Variants in GDPD3 observed in about 807,000 individuals in gnomAD.
The protein encoded by GDPD3 is glycerophosphodiester phosphodiesterase domain containing 3.
In GDPD3, 40 loss-of-function variants were observed where a neutral mutation model predicts 43.7. The observed-to-expected ratio is 0.91, with a 90% CI of 0.71 to 1.19. The LOEUF (loss-of-function observed/expected upper bound fraction) is 1.19. Among genes scored for constraint, GDPD3 ranks in the 50% most tolerant of loss-of-function variants. The pLI is 0.00. For synonymous variants in GDPD3, 145 were observed against 162.9 expected (o/e 0.89, Z 0.84); for missense variants, 363 against 415.8 (o/e 0.87, Z 1.11).
intron 7 of GDPD3, 178 bp from the exon 8 acceptor site, chr16:30,108,610 T>A (rs1402230688): frequency 3.3e-6 from 2 of 604,316 alleles, no homozygotes; most frequent in Non-Finnish European, 5.9e-6. Context: ...GAGAGCCTAC[T>A]CTGACCACCA....
Position 30,112,043 on chromosome 16 carries a change from C to T in GDPD3, c.573+89G>A, listed in dbSNP as rs2072903107. On this transcript the variant is annotated intron_variant, in intron 6 of 9. Coordinates refer to ENST00000406256, the MANE Select transcript of GDPD3 (RefSeq NM_024307.3). This position sits in a 1 kb window ranked among gnomAD's most constrained non-coding sequence, Gnocchi z 5.4. ...TGGGAACTCTCCCAGACCCCTCTAG[C>T]TCGGGTCCCCATGCTGGGTGGGCTC... 2 of 1,027,536 alleles carry T rather than the reference C, an allele frequency of 1.9e-6. No individual in the cohort carries two copies. Among genetic ancestry groups the T allele is most frequent in the African/African-American group, 3.1e-5 (2 of 63,812 alleles). 63.7% of individuals were successfully genotyped at this position (1,027,536 alleles called of 1,614,324 possible). A position where few individuals can be genotyped will look rare whatever the true frequency, so the allele number is the denominator to read the frequency against.
At position 30,112,378 on chromosome 16, in the gene GDPD3, G is replaced by A. The variant is rs921636694; in HGVS notation, c.411C>T (p.Asp137=). Residue 137 remains aspartate, a synonymous_variant, in exon 5 of 10, where the codon GAC becomes GAT. Transcript: ENST00000406256. The surrounding 1 kb of genome is among the most constrained non-coding windows in gnomAD (Gnocchi z 5.4). ...GSDRRMVRLE[D]LFQRFPRTPM... is the part of the protein sequence containing the mutation. ...GTGTCCTTGGAAACCTCTGGAACAG[G>A]TCCTCCAGACGAACCATGCGCCGGT... is the stretch of plus-strand genomic sequence containing the variant. 1.2e-6 allele frequency: 2 copies of A among 1,614,084 alleles called. No homozygotes were observed. Among genetic ancestry groups the A allele is most frequent in the African/African-American group, 1.3e-5 (1 of 74,924 alleles).
rs1011939309 is a variant in GDPD3, at chr16:30,113,193, G to A, written c.140-129C>T. 59 of 1,351,756 alleles carry A rather than the reference G, an allele frequency of 4.4e-5. No individual in the cohort carries two copies. Among genetic ancestry groups the A allele is most frequent in the Non-Finnish European group, 1.1e-5 (11 of 978,686 alleles). The allele number at this position is 1,351,756 out of a possible 1,614,324, so 83.7% of individuals were successfully genotyped here. On this transcript the variant is annotated intron_variant, in intron 1 of 9. Transcript: ENST00000406256. The surrounding 1 kb of genome is among the most constrained non-coding windows in gnomAD (Gnocchi z 5.9). ...CACCTCCCCAGCCAGCCCAGGCTGC[G>A]CCAGCATCTTCTTCCTCGTCCACAC...
In GDPD3 at chr16:30,108,239, G is replaced by C. The variant is rs756311411; in HGVS notation, c.793C>G (p.Arg265Gly). 7 of 1,608,800 alleles carry C rather than the reference G, an allele frequency of 4.4e-6. No homozygotes were observed. In the South Asian group the frequency reaches 7.7e-5, roughly 18 times the overall value. The change falls in exon 9 of 10, where the codon CGA becomes GGA. Residue 265 changes from arginine to glycine, a missense_variant. Physicochemically the swap from Arg to Gly is moderately radical, Grantham distance 125 (BLOSUM62 -2). Transcript: ENST00000406256. ...KWLIMRKSLIRHLEERGVQVV... is the reference protein window; with the variant it reads ...KWLIMRKSLIGHLEERGVQVV... ...TGCACCCCTCGCTCCTCCAAGTGTC[G>C]GATCAGACTCTTCCTCATGATCAGC...
intron 6 of GDPD3, chr16:30,111,912 G>A (rs761297502): frequency 4.4e-5 from 26 of 584,968 alleles, no homozygotes; most frequent in Admixed American, 1.5e-4. Context: ...CAGCCTGGGC[G>A]ACAGAGAGAG....
intron 9 of GDPD3, among the ~76,000 whole-genome samples, 199 bp from the exon 10 acceptor site, chr16:30,105,208 C>A (rs998073295): frequency 6.6e-6 from 1 of 152,164 alleles, no homozygotes; most frequent in African/African-American, 2.4e-5. Flanking sequence ...GTGGCTCACG[C>A]CTGTAATATC....
At chr16:30,109,598 G>A (rs755793661) in intron 7 of GDPD3, among the ~76,000 whole-genome samples, 17 of 151,856 alleles carry the variant, frequency 1.1e-4, no homozygotes, top group Non-Finnish European at 2.1e-4. Flanking sequence ...CCTGAGGTCC[G>A]GAGTTCAAGA....
chr16:30,109,055 C>G (rs1028450003), intron 7 of GDPD3, among the ~76,000 whole-genome samples: 1 of 152,074 alleles, frequency 6.6e-6, no homozygotes, highest in Non-Finnish European at 1.5e-5. Flanking sequence ...TGGTCTCGAT[C>G]TCCTGACTTT....
At chr16:30,110,122 A>C (rs34962395) in intron 7 of GDPD3, among the ~76,000 whole-genome samples, 7 of 152,008 alleles carry the variant, frequency 4.6e-5, no homozygotes, top group Non-Finnish European at 8.8e-5. Flanking sequence ...GTCAACCCAA[A>C]ATATGTTAAA....
At chr16:30,111,203 G>A in intron 7 of GDPD3, 185 bp downstream of exon 7, 1 of 651,528 alleles carries the variant, frequency 1.5e-6, no homozygotes, top group South Asian at 2.0e-5. Context: ...CTCCACATAT[G>A]CACAGAATTT....
In GDPD3 at chr16:30,113,350, G is replaced by A; in HGVS notation, c.129C>T (p.Ala43=). The A allele has an allele frequency of 6.2e-7, 1 of 1,602,192 alleles. No homozygotes were observed. The highest frequency in any genetic ancestry group is 8.5e-7 in the Non-Finnish European group (1 of 1,173,062). ...RAPTFRIRLG[A]HRGGSGELLE... is the part of the protein sequence containing the mutation. ...CCCTACCCGGCTCACCTCCTCGGTG[G>A]GCCCCCAGGCGGATGCGGAAGGTGG... Residue 43 remains alanine, a synonymous_variant, in exon 1 of 10, where the codon GCC becomes GCT. Coordinates refer to ENST00000406256, the MANE Select transcript of GDPD3 (RefSeq NM_024307.3). The surrounding 1 kb of genome is among the most constrained non-coding windows in gnomAD (Gnocchi z 5.9).
rs1267516353 is a variant in GDPD3, at chr16:30,113,512, C to T, written c.-34G>A. 9 of 1,511,048 alleles carry T rather than the reference C, an allele frequency of 6.0e-6. No homozygotes were observed. The highest frequency in any genetic ancestry group is 2.8e-5 in the African/African-American group (2 of 72,016). The allele number at this position is 1,511,048 out of a possible 1,614,324, so 93.6% of individuals were successfully genotyped here. ...TCCCACAGAAGCTCCTGCAGCCACACGCTCAGCCGTCCGCGGGACTGTGCT... is the reference window on the plus strand; with the variant it reads ...TCCCACAGAAGCTCCTGCAGCCACATGCTCAGCCGTCCGCGGGACTGTGCT... On this transcript the variant is annotated 5_prime_UTR_variant, in exon 1 of 10. In the 5' UTR this introduces an upstream ATG that the reference lacks. Transcript: ENST00000406256. The surrounding 1 kb of genome is among the most constrained non-coding windows in gnomAD (Gnocchi z 5.9).
Position 30,113,351 on chromosome 16 carries a change from G to GC in GDPD3, c.127dup (p.Ala43GlyfsTer45). On this transcript the variant is annotated frameshift_variant, in exon 1 of 10. Transcript: ENST00000406256. LOFTEE classifies it high-confidence loss of function. This position sits in a 1 kb window ranked among gnomAD's most constrained non-coding sequence, Gnocchi z 5.9. ...CCTACCCGGCTCACCTCCTCGGTGG[G>GC]CCCCCAGGCGGATGCGGAAGGTGGG... 6.2e-7 allele frequency: 1 copy of GC among 1,602,396 alleles called. No homozygotes were observed. Among genetic ancestry groups the GC allele is most frequent in the Non-Finnish European group, 8.5e-7 (1 of 1,173,272 alleles).
chr16:30,108,170 C>A, intron 9 of GDPD3, 43 bp downstream of exon 9: 2 of 1,528,974 alleles, frequency 1.3e-6, no homozygotes, highest in South Asian at 1.3e-5. Flanking sequence ...CGGAACCCTG[C>A]TGCCAGGTCT....
chr16:30,106,409 G>A (rs1044737512), intron 9 of GDPD3, among the ~76,000 whole-genome samples: 3 of 152,118 alleles, frequency 2.0e-5, no homozygotes, highest in African/African-American at 4.8e-5. Flanking sequence ...GCTAGTTGTT[G>A]ACCACTTAAC....
intron 7 of GDPD3, among the ~76,000 whole-genome samples, chr16:30,110,722 A>G (rs1415478939): frequency 6.6e-6 from 1 of 151,718 alleles, no homozygotes; most frequent in Non-Finnish European, 1.5e-5. Flanking sequence ...TAATTTAACA[A>G]TTAGCCAGGT....
In GDPD3 at chr16:30,113,359, G is replaced by A. The variant is rs761573836; in HGVS notation, c.120C>T (p.Arg40=). ...HTPRAPTFRI[R]LGAHRGGSGE... is the part of the protein sequence containing the mutation. ...GCTCACCTCCTCGGTGGGCCCCCAG[G>A]CGGATGCGGAAGGTGGGAGCCCTGG... Residue 40 remains arginine (R), a synonymous_variant, in exon 1 of 10, where the codon CGC becomes CGT. Transcript: ENST00000406256. This position sits in a 1 kb window ranked among gnomAD's most constrained non-coding sequence, Gnocchi z 5.9. 14 of 1,606,286 alleles carry A rather than the reference G, an allele frequency of 8.7e-6. No homozygotes were observed. Among genetic ancestry groups the A allele is most frequent in the Non-Finnish European group, 1.2e-5 (14 of 1,175,538 alleles).
rs1418860764 is a variant in GDPD3, at chr16:30,108,355, C to T, written c.767+18G>A. The T allele has an allele frequency of 1.2e-6, 2 of 1,613,788 alleles. No individual in the cohort carries two copies. The highest frequency in any genetic ancestry group is 1.7e-6 in the Non-Finnish European group (2 of 1,179,966). ...GTCTCTATGGGGACACGCCACCCAGCCATCTTGCCCACCTCACCATTTCGA... is the reference window on the plus strand; with the variant it reads ...GTCTCTATGGGGACACGCCACCCAGTCATCTTGCCCACCTCACCATTTCGA... On this transcript the variant is annotated intron_variant, in intron 8 of 9. Transcript: ENST00000406256.
chr16:30,109,339 G>A (rs972608546), intron 7 of GDPD3, among the ~76,000 whole-genome samples: 6 of 152,148 alleles, frequency 3.9e-5, no homozygotes, highest in Non-Finnish European at 8.8e-5. Context: ...GCGAAACGCC[G>A]TCTCTACTAA....
Sources: allele counts gnomAD v4.1 joint callset (sites outside exome capture counted in the v4.1 genomes callset), GRCh38; gene constraint gnomAD v4.1.1; non-coding constraint Gnocchi (gnomAD v3.1); transcripts MANE v1.5; gene names NCBI Gene and HGNC (gene_info 2026-07-23, HGNC 2026-07-21).